MSI2: variants seen among roughly 807,000 people sequenced by gnomAD.
The protein encoded by MSI2 is RNA-binding protein Musashi homolog 2.
In MSI2, 17 loss-of-function variants were observed where a neutral mutation model predicts 45.6. The ratio of observed to expected loss-of-function variants is 0.37; its 90% CI spans 0.26 to 0.56. The LOEUF (loss-of-function observed/expected upper bound fraction) is 0.56. Ranked by LOEUF, MSI2 falls within the 20% of genes least tolerant of loss-of-function variation. The probability of loss-of-function intolerance (pLI) is 0.77; values close to 1 mark genes in which losing one functional copy is unlikely to be tolerated. For synonymous variants in MSI2, 156 were observed against 158.2 expected (o/e 0.99, Z 0.11); for missense variants, 293 against 444.2 (o/e 0.66, Z 3.06).
chr17:57,699,848 C>T, the MSI2 span, among the ~76,000 whole-genome samples: 4 of 152,332 alleles, frequency 2.6e-5, no homozygotes, highest in East Asian at 3.9e-4. Flanking sequence ...CTGCTGCCCT[C>T]GCCACCCCTC....
At chr17:57,416,173 C>T (rs780254992) in intron 6 of MSI2, among the ~76,000 whole-genome samples, 8 of 152,196 alleles carry the variant, frequency 5.3e-5, no homozygotes, top group Non-Finnish European at 1.2e-4. Flanking sequence ...TCCCCAAGCA[C>T]TCAGTGCTTG....
chr17:57,259,228 A>G (rs1398014554), intron 4 of MSI2, among the ~76,000 whole-genome samples: 1 of 152,080 alleles, frequency 6.6e-6, no homozygotes, highest in East Asian at 1.9e-4. Context: ...ATCTGCCCCA[A>G]ACAGAGGCCT....
chr17:57,594,087 C>G (rs1280675756), intron 7 of MSI2, among the ~76,000 whole-genome samples: 1 of 152,202 alleles, frequency 6.6e-6, no homozygotes, highest in Non-Finnish European at 1.5e-5. Flanking sequence ...ATGGCTCATT[C>G]AGTCACTCAC....
Position 57,501,883 on chromosome 17 carries a change from C to A in MSI2, c.406-27793C>A, listed in dbSNP as rs1021437830. On this transcript the variant is annotated intron_variant, in intron 6 of 13. Transcript: ENST00000284073. ...TAAGATAACTTCAGTCACTGCGTAG[C>A]TCTGCAGGACAACCATTTATTACAG... is the stretch of plus-strand genomic sequence containing the variant. Among the ~76,000 whole-genome samples the A allele has an allele frequency of 3.9e-5, 6 of 152,360 alleles. No individual in the cohort carries two copies. The East Asian group carries it at 1.2e-3, about 29-fold the overall frequency.
intron 5 of MSI2, among the ~76,000 whole-genome samples, chr17:57,304,730 A>G (rs1461813326): frequency 2.6e-5 from 4 of 152,100 alleles, no homozygotes; most frequent in Non-Finnish European, 5.9e-5. Flanking sequence ...AGCCAGGAGA[A>G]GCTATTAAGA....
At chr17:57,504,252 A>G (rs2086179201) in intron 6 of MSI2, among the ~76,000 whole-genome samples, 1 of 152,018 alleles carries the variant, frequency 6.6e-6, no homozygotes, top group African/African-American at 2.4e-5. Context: ...CTAGCTCTTG[A>G]GGCTGTGTGC....
At chr17:57,507,229 G>C (rs1288944643) in intron 6 of MSI2, among the ~76,000 whole-genome samples, 3,521 of 14,438 alleles carry the variant, frequency 0.24, 242 homozygotes, top group African/African-American at 0.4. Context: ...GTCTCTCTGT[G>C]TGTGTGTGTG....
At chr17:57,317,977 C>T (rs1335413547) in intron 5 of MSI2, among the ~76,000 whole-genome samples, 1 of 151,994 alleles carries the variant, frequency 6.6e-6, no homozygotes, top group African/African-American at 2.4e-5. Flanking sequence ...GGTGAAACCC[C>T]ATCTCTACTA....
At chr17:57,555,992 T>A (rs894181171) in intron 7 of MSI2, among the ~76,000 whole-genome samples, 1 of 152,222 alleles carries the variant, frequency 6.6e-6, no homozygotes, top group Non-Finnish European at 1.5e-5. Context: ...TCAGGCACTT[T>A]ACACTGTTAG....
intron 7 of MSI2, among the ~76,000 whole-genome samples, chr17:57,549,383 A>T (rs1404173951): frequency 6.7e-6 from 1 of 150,204 alleles, no homozygotes; most frequent in Non-Finnish European, 1.5e-5. Flanking sequence ...CTGTCCGGCA[A>T]CTAAAGTCGT....
At chr17:57,517,789 C>T (rs2086501206) in intron 6 of MSI2, among the ~76,000 whole-genome samples, 1 of 152,124 alleles carries the variant, frequency 6.6e-6, no homozygotes, top group Non-Finnish European at 1.5e-5. Context: ...TATCCCCTTG[C>T]CCCTCCTCTG....
intron 6 of MSI2, among the ~76,000 whole-genome samples, chr17:57,524,369 A>G (rs2086655440): frequency 6.6e-6 from 1 of 152,254 alleles, no homozygotes; most frequent in Non-Finnish European, 1.5e-5. Context: ...TCAGTCCACC[A>G]TAGACCTGTG....
At chr17:57,664,938 C>T (rs1912255732) in intron 11 of MSI2, among the ~76,000 whole-genome samples, 1 of 152,188 alleles carries the variant, frequency 6.6e-6, no homozygotes, top group Non-Finnish European at 1.5e-5. Context: ...CATCACAGAC[C>T]CATCAAACCA....
chr17:57,443,867 C>T (rs2084847369), intron 6 of MSI2, among the ~76,000 whole-genome samples: 1 of 152,182 alleles, frequency 6.6e-6, no homozygotes, highest in Admixed American at 6.5e-5. Flanking sequence ...GGACAGTAAA[C>T]CTCAGCAGAT....
intron 5 of MSI2, among the ~76,000 whole-genome samples, chr17:57,316,370 C>T (rs1216054460): frequency 6.6e-6 from 1 of 150,614 alleles, no homozygotes; most frequent in Non-Finnish European, 1.5e-5. Context: ...CTCTGTCATC[C>T]AGGCTGGAGT....
chr17:57,691,178 T>TTCTC, the MSI2 span, among the ~76,000 whole-genome samples: 95 of 144,566 alleles, frequency 6.6e-4, no homozygotes, highest in African/African-American at 1.7e-3. Flanking sequence ...CTCTCTCTCT[T>TTCTC]TCTCTCTCTC....
rs188916772 is a variant in MSI2, at chr17:57,305,726, C to T, written c.312+43534C>T. 1.5e-3 allele frequency among the ~76,000 whole-genome samples: 235 copies of T among 152,262 alleles called. 1 individual carries two copies. The highest frequency in any genetic ancestry group is 5.3e-3 in the African/African-American group (219 of 41,562). On this transcript the variant is annotated intron_variant, in intron 5 of 13. Transcript: ENST00000284073. ...CAGAATAAAATCGACTTAAGGTCAG[C>T]TACGAGTCCCTGGAGGCTAGGGTTG...
intron 5 of MSI2, among the ~76,000 whole-genome samples, chr17:57,345,011 C>T (rs762821061): frequency 1.1e-4 from 17 of 151,924 alleles, no homozygotes; most frequent in Non-Finnish European, 5.9e-5. Context: ...TGCAGTGAGC[C>T]GAGATTGTGC....
chr17:57,506,847 A>G (rs865918934), intron 6 of MSI2, among the ~76,000 whole-genome samples: 1 of 152,090 alleles, frequency 6.6e-6, no homozygotes, highest in Non-Finnish European at 1.5e-5. Context: ...AAGGACTTAA[A>G]TCTCATGAAG....
Sources: allele counts gnomAD v4.1 joint callset (sites outside exome capture counted in the v4.1 genomes callset), GRCh38; gene constraint gnomAD v4.1.1; transcripts MANE v1.5; gene names NCBI Gene and HGNC (gene_info 2026-07-23, HGNC 2026-07-21).